Variants in FZD8 observed in about 807,000 individuals in gnomAD.
FZD8 encodes frizzled-8.
Under a neutral mutation model 46.0 loss-of-function variants are expected in FZD8, and 18 were observed. That is an observed-to-expected ratio of 0.39 (90% CI 0.27 to 0.58). FZD8 has a LOEUF of 0.58. Ranked by LOEUF, FZD8 falls within the 20% of genes least tolerant of loss-of-function variation. The pLI, the probability that FZD8 is intolerant of heterozygous loss-of-function variation, is 0.55. For synonymous variants in FZD8, 586 were observed against 467.9 expected (o/e 1.25, Z -3.26); for missense variants, 785 against 983.4 (o/e 0.80, Z 2.70).
rs540410812 is a variant in FZD8 at position 35,640,862 on chromosome 10, G to A, written c.568C>T (p.Pro190Ser). Residue 190 changes from proline to serine, a missense_variant, in exon 1 of 1, where the codon CCC becomes TCC. Pro to Ser is a moderately conservative substitution (Grantham distance 74). Around this residue, in one of 5 missense-constraint regions of FZD8, gnomAD observed 354 missense variants for 433.2 expected, o/e 0.82. Coordinates refer to ENST00000374694, the MANE Select transcript of FZD8 (RefSeq NM_031866.3). ...CCCCTGCCGCCGCCGCGGTGCGGGG[G>A]CCTGGCCCCCGGCGGGCGGCCGTGG... Reference protein sequence around the residue: ...SGHGRPPGARPPHRGGGRGGG... With the variant: ...SGHGRPPGARSPHRGGGRGGG... The A allele has an allele frequency of 4.3e-4, 420 of 978,938 alleles. No homozygotes were observed. The highest frequency in any genetic ancestry group is 1.6e-3 in the Middle Eastern group (3 of 1,902). 60.6% of individuals were successfully genotyped at this position (978,938 alleles called of 1,614,324 possible). A position where few individuals can be genotyped will look rare whatever the true frequency, so the allele number is the denominator to read the frequency against.
chr10:35,640,826 C>G lies in FZD8; in HGVS notation c.604G>C (p.Gly202Arg). 1 of 980,302 alleles carries G rather than the reference C, an allele frequency of 1.0e-6. No individual in the cohort carries two copies. The highest frequency in any genetic ancestry group is 1.2e-6 in the Non-Finnish European group (1 of 828,048). The allele number at this position is 980,302 out of a possible 1,614,324, so 60.7% of individuals were successfully genotyped here. A position where few individuals can be genotyped will look rare whatever the true frequency, so the allele number is the denominator to read the frequency against. ...HRGGGRGGGG[G>R]DAAAPPARGG... ...CGAGCTGGGGGCGCCGCCGCGTCCC[C>G]GCCGCCACCGCCCCTGCCGCCGCCG... The change falls in exon 1 of 1, where the codon GGG becomes CGG. Residue 202 changes from glycine to arginine, a missense_variant. Coordinates refer to ENST00000374694, the MANE Select transcript of FZD8 (RefSeq NM_031866.3).
Position 35,640,709 on chromosome 10 carries a change from C to A in FZD8, c.721G>T (p.Val241Leu), listed in dbSNP as rs771619451. 6 of 1,511,202 alleles carry A rather than the reference C, an allele frequency of 4.0e-6. No homozygotes were observed. Among genetic ancestry groups the A allele is most frequent in the Non-Finnish European group, 5.3e-6 (6 of 1,121,598 alleles). The allele number at this position is 1,511,202 out of a possible 1,614,324, so 93.6% of individuals were successfully genotyped here. Residue 241 changes from valine (V) to leucine (L), a missense_variant, in exon 1 of 1, where the codon GTG becomes TTG. Transcript: ENST00000374694. ...TAGAGCGGGTGGCGCTCGCTGGACA[C>A]GCTCACCATAGGCGCGCGGCACTGG... The part of the protein sequence containing the change: ...GCQCRAPMVS[V>L]SSERHPLYNR...
In FZD8 at chr10:35,641,612, G is replaced by A; in HGVS notation, c.-183C>T. The A allele has an allele frequency of 1.3e-6, 1 of 786,532 alleles. No individual in the cohort carries two copies. Among genetic ancestry groups the A allele is most frequent in the Non-Finnish European group, 2.0e-6 (1 of 512,316 alleles). The allele number at this position is 786,532 out of a possible 1,614,324, so 48.7% of individuals were successfully genotyped here. A position where few individuals can be genotyped will look rare whatever the true frequency, so the allele number is the denominator to read the frequency against. Reference sequence around the variant, plus strand: ...TCTAGGGGCGCGTCCGCAGCGGCGCGGCCCGCAGCCTGGGCAGGGCCCTTC... The same window carrying A: ...TCTAGGGGCGCGTCCGCAGCGGCGCAGCCCGCAGCCTGGGCAGGGCCCTTC... On this transcript the variant is annotated 5_prime_UTR_variant, in exon 1 of 1. Transcript: ENST00000374694. The surrounding 1 kb of genome is among the most constrained non-coding windows in gnomAD (Gnocchi z 6.3).
In FZD8 at chr10:35,638,655, A is replaced by G. The variant is rs12653; in HGVS notation, c.*690T>C. ...ATTTTATTGACAAAATAGAATACTT[A>G]TATCTGTTCTTACAGGGGTAAGCCT... On this transcript the variant is annotated 3_prime_UTR_variant, in exon 1 of 1. Coordinates refer to ENST00000374694, the MANE Select transcript of FZD8 (RefSeq NM_031866.3). 9.5e-3 allele frequency: 1,443 copies of G among 152,636 alleles called. 9 individuals carry two copies. Among genetic ancestry groups the G allele is most frequent in the South Asian group, 0.035 (170 of 4,828 alleles). The allele number at this position is 152,636 out of a possible 1,614,324, so 9.5% of individuals were successfully genotyped here. A position where few individuals can be genotyped will look rare whatever the true frequency, so the allele number is the denominator to read the frequency against.
rs568102461 is a variant in FZD8, at chr10:35,638,523, A to C, written c.*822T>G. ...CCTAAGGTCAGTGTACAGAATGACA[A>C]GCCAGAAAATGTCCATTTTCCCCAT... On this transcript the variant is annotated 3_prime_UTR_variant, in exon 1 of 1. Coordinates refer to ENST00000374694, the MANE Select transcript of FZD8 (RefSeq NM_031866.3). The C allele has an allele frequency of 3.9e-5, 6 of 152,818 alleles. No homozygotes were observed. In the South Asian group the frequency reaches 1.0e-3, roughly 26 times the overall value. The allele number at this position is 152,818 out of a possible 1,614,324, so 9.5% of individuals were successfully genotyped here.
In FZD8 at chr10:35,639,016, G is replaced by T. The variant is rs1043549482; in HGVS notation, c.*329C>A. 1 of 153,632 alleles carries T rather than the reference G, an allele frequency of 6.5e-6. No individual in the cohort carries two copies. Among genetic ancestry groups the T allele is most frequent in the African/African-American group, 2.4e-5 (1 of 41,468 alleles). The allele number at this position is 153,632 out of a possible 1,614,324, so 9.5% of individuals were successfully genotyped here. ...TATCTGACTGCAAACCCAGCCAAGT[G>T]CAGCCAGGGAGGGCTCCAAATCTCG... is the stretch of plus-strand genomic sequence containing the variant. On this transcript the variant is annotated 3_prime_UTR_variant, in exon 1 of 1. Coordinates refer to ENST00000374694, the MANE Select transcript of FZD8 (RefSeq NM_031866.3).
Position 35,639,602 on chromosome 10 carries a change from G to A in FZD8, c.1828C>T (p.Leu610=). ...GTGCACAGGGAGCGCCAGGACTCCA[G>A]CGTCTTGCCGGACCAGACCCACACG... ...SGVWVWSGKT[L]ESWRSLCTRC... The change falls in exon 1 of 1, where the codon CTG becomes TTG. Residue 610 remains leucine (L), a synonymous_variant. Coordinates refer to ENST00000374694, the MANE Select transcript of FZD8 (RefSeq NM_031866.3). The A allele has an allele frequency of 6.3e-7, 1 of 1,597,418 alleles. No individual in the cohort carries two copies. Among genetic ancestry groups the A allele is most frequent in the Non-Finnish European group, 8.5e-7 (1 of 1,179,380 alleles).
At position 35,639,449 on chromosome 10, in the gene FZD8, C is replaced by G; in HGVS notation, c.1981G>C (p.Gly661Arg). Residue 661 changes from glycine (G) to arginine (R), a missense_variant, in exon 1 of 1, where the codon GGC becomes CGC. By Grantham distance (125) the Gly-to-Arg change is moderately radical. Coordinates refer to ENST00000374694, the MANE Select transcript of FZD8 (RefSeq NM_031866.3). ...ACGTCGCTGTAGAGGGAGCCCCCGC[C>G]GCCGCCCGGCCCCCCGCCGCCGCCG... is the stretch of plus-strand genomic sequence containing the variant. ...GPGGGGGPGG[G>R]GGSLYSDVST... 8.7e-7 allele frequency: 1 copy of G among 1,150,572 alleles called. No individual in the cohort carries two copies. Among genetic ancestry groups the G allele is most frequent in the Non-Finnish European group, 1.1e-6 (1 of 922,038 alleles). 71.3% of individuals were successfully genotyped at this position (1,150,572 alleles called of 1,614,324 possible). A position where few individuals can be genotyped will look rare whatever the true frequency, so the allele number is the denominator to read the frequency against.
rs1189583757 is a variant in FZD8, at chr10:35,639,411, C to A, written c.2019G>T (p.Leu673=). Reference sequence around the variant, plus strand: ...AGCTCGCCGTGCCCGACCGCCACGTCAGGCCAGTGCTGACGTCGCTGTAGA... The same window carrying A: ...AGCTCGCCGTGCCCGACCGCCACGTAAGGCCAGTGCTGACGTCGCTGTAGA... The part of the protein sequence containing the change: ...GSLYSDVSTG[L]TWRSGTASSV... Residue 673 remains leucine (L), a synonymous_variant, in exon 1 of 1, where the codon CTG becomes CTT. Coordinates refer to ENST00000374694, the MANE Select transcript of FZD8 (RefSeq NM_031866.3). 1 of 1,431,836 alleles carries A rather than the reference C, an allele frequency of 7.0e-7. No individual in the cohort carries two copies. Among genetic ancestry groups the A allele is most frequent in the Admixed American group, 2.2e-5 (1 of 46,416 alleles). 88.7% of individuals were successfully genotyped at this position (1,431,836 alleles called of 1,614,324 possible).
In FZD8 at chr10:35,639,703, T is replaced by G; in HGVS notation, c.1727A>C (p.Asp576Ala). 3 of 1,599,540 alleles carry G rather than the reference T, an allele frequency of 1.9e-6. No individual in the cohort carries two copies. The South Asian group carries it at 3.3e-5, about 18-fold the overall frequency. ...GGCGTAGTCGGGCCTGCGTGCCTGG[T>G]CGGGCTGCAGGTCCCGCAGGCACGG... ...NCPCLRDLQPDQARRPDYAVF... is the reference protein window; with the variant it reads ...NCPCLRDLQPAQARRPDYAVF... The change falls in exon 1 of 1, where the codon GAC becomes GCC. Residue 576 changes from aspartate (D) to alanine (A), a missense_variant. By Grantham distance (126) the Asp-to-Ala change is moderately radical. Coordinates refer to ENST00000374694, the MANE Select transcript of FZD8 (RefSeq NM_031866.3).
rs1441739445 is a variant in FZD8 at position 35,639,777 on chromosome 10, G to A, written c.1653C>T (p.Leu551=). 5.6e-6 allele frequency: 9 copies of A among 1,601,566 alleles called. No individual in the cohort carries two copies. Among genetic ancestry groups the A allele is most frequent in the Non-Finnish European group, 7.6e-6 (9 of 1,179,792 alleles). Reference sequence around the variant, plus strand: ...GCGGGCGGTTGTGCTGCTCGTAGAAGAGGCAGGCGACCACCACCGCGGCGG... The same window carrying A: ...GCGGGCGGTTGTGCTGCTCGTAGAAAAGGCAGGCGACCACCACCGCGGCGG... ...TVPAAVVVAC[L]FYEQHNRPRW... The change falls in exon 1 of 1, where the codon CTC becomes CTT. Residue 551 remains leucine (L), a synonymous_variant. Coordinates refer to ENST00000374694, the MANE Select transcript of FZD8 (RefSeq NM_031866.3).
rs1400711853 is a variant in FZD8, at chr10:35,639,316, A to G, written c.*29T>C. On this transcript the variant is annotated 3_prime_UTR_variant, in exon 1 of 1. Transcript: ENST00000374694. ...CTTGGCTCTCCTCGCCCCCCTCCCC[A>G]CCCCTCCTGGGCGCCCCCTCCCCTC... 5.4e-6 allele frequency: 1 copy of G among 183,508 alleles called. No individual in the cohort carries two copies. The highest frequency in any genetic ancestry group is 1.1e-5 in the Non-Finnish European group (1 of 88,278). 11.4% of individuals were successfully genotyped at this position (183,508 alleles called of 1,614,324 possible). A position where few individuals can be genotyped will look rare whatever the true frequency, so the allele number is the denominator to read the frequency against.
At position 35,638,348 on chromosome 10, in the gene FZD8, G is replaced by T. The variant is rs530914886; in HGVS notation, c.*997C>A. 6.6e-6 allele frequency: 1 copy of T among 152,482 alleles called. No homozygotes were observed. The highest frequency in any genetic ancestry group is 1.5e-5 in the Non-Finnish European group (1 of 68,030). 9.4% of individuals were successfully genotyped at this position (152,482 alleles called of 1,614,324 possible). A position where few individuals can be genotyped will look rare whatever the true frequency, so the allele number is the denominator to read the frequency against. On this transcript the variant is annotated 3_prime_UTR_variant, in exon 1 of 1. Coordinates refer to ENST00000374694, the MANE Select transcript of FZD8 (RefSeq NM_031866.3). Reference sequence around the variant, plus strand: ...GTTCCATTTACATCCACTAAAGTGAGAGTTGTTATCCATGGATCAGAAAAG... The same window carrying T: ...GTTCCATTTACATCCACTAAAGTGATAGTTGTTATCCATGGATCAGAAAAG...
rs757691716 is a variant in FZD8 at position 35,640,941 on chromosome 10, C to T, written c.489G>A (p.Pro163=). Residue 163 remains proline, a synonymous_variant, in exon 1 of 1, where the codon CCG becomes CCA. Transcript: ENST00000374694. ...GCGGCGGCGGCGGCAGGCGGCGCGG[C>T]GGGCTGGGCGCGGCGGTGGTTAGGT... The part of the protein sequence containing the change: ...RTDLTTAAPS[P]PRRLPPPPPG... 3.0e-6 allele frequency: 4 copies of T among 1,315,190 alleles called. No homozygotes were observed. Among genetic ancestry groups the T allele is most frequent in the Non-Finnish European group, 2.9e-6 (3 of 1,032,678 alleles). 81.5% of individuals were successfully genotyped at this position (1,315,190 alleles called of 1,614,324 possible). A position where few individuals can be genotyped will look rare whatever the true frequency, so the allele number is the denominator to read the frequency against.
rs562174201 is a variant in FZD8 at position 35,638,320 on chromosome 10, G to A, written c.*1025C>T. On this transcript the variant is annotated 3_prime_UTR_variant, in exon 1 of 1. Coordinates refer to ENST00000374694, the MANE Select transcript of FZD8 (RefSeq NM_031866.3). ...GCCTAAGGGGAATTACTGCCTTGCAGAAGTTCCATTTACATCCACTAAAGT... is the reference window on the plus strand; with the variant it reads ...GCCTAAGGGGAATTACTGCCTTGCAAAAGTTCCATTTACATCCACTAAAGT... 2 of 152,610 alleles carry A rather than the reference G, an allele frequency of 1.3e-5. No homozygotes were observed. The highest frequency in any genetic ancestry group is 2.9e-5 in the Non-Finnish European group (2 of 68,042). 9.5% of individuals were successfully genotyped at this position (152,610 alleles called of 1,614,324 possible).
rs1442825900 is a variant in FZD8, at chr10:35,641,496, C to CGGG, written c.-68_-67insCCC. 13 of 1,489,126 alleles carry CGGG rather than the reference C, an allele frequency of 8.7e-6. No homozygotes were observed. In the African/African-American group the frequency reaches 1.9e-4, roughly 22 times the overall value. The allele number at this position is 1,489,126 out of a possible 1,614,324, so 92.2% of individuals were successfully genotyped here. A position where few individuals can be genotyped will look rare whatever the true frequency, so the allele number is the denominator to read the frequency against. ...CGCAGAGGGGTGCCGGGGGGGGGGC[C>CGGG]CACGAGAGAGCCGCAGACGGGTACA... is the stretch of plus-strand genomic sequence containing the variant. On this transcript the variant is annotated 5_prime_UTR_variant, in exon 1 of 1. Transcript: ENST00000374694. The surrounding 1 kb of genome is among the most constrained non-coding windows in gnomAD (Gnocchi z 6.3).
Position 35,640,320 on chromosome 10 carries a change from C to T in FZD8, c.1110G>A (p.Pro370=), listed in dbSNP as rs566989692. ...AGAAGAGAGG[P]GGRGEYEELG... is the part of the protein sequence containing the mutation. Reference sequence around the variant, plus strand: ...GCTCCTCGTACTCGCCGCGCCCGCCCGGGCCGCCCGCGCCCGCGCCCGCCG... The same window carrying T: ...GCTCCTCGTACTCGCCGCGCCCGCCTGGGCCGCCCGCGCCCGCGCCCGCCG... Residue 370 remains proline (P), a synonymous_variant, in exon 1 of 1, where the codon CCG becomes CCA. Coordinates refer to ENST00000374694, the MANE Select transcript of FZD8 (RefSeq NM_031866.3). The T allele has an allele frequency of 2.2e-5, 27 of 1,221,772 alleles. No individual in the cohort carries two copies. The Admixed American group carries it at 7.9e-4, about 36-fold the overall frequency. 75.7% of individuals were successfully genotyped at this position (1,221,772 alleles called of 1,614,324 possible). A position where few individuals can be genotyped will look rare whatever the true frequency, so the allele number is the denominator to read the frequency against.
chr10:35,640,967 C>G lies in FZD8; in HGVS notation c.463G>C (p.Asp155His). ...DTLCMDYNRT[D>H]LTTAAPSPPR... Reference sequence around the variant, plus strand: ...GGGCTGGGCGCGGCGGTGGTTAGGTCGGTGCGGTTGTAGTCCATGCACAGC... The same window carrying G: ...GGGCTGGGCGCGGCGGTGGTTAGGTGGGTGCGGTTGTAGTCCATGCACAGC... The change falls in exon 1 of 1, where the codon GAC becomes CAC. Residue 155 changes from aspartate to histidine, a missense_variant. By Grantham distance (81) the Asp-to-His change is moderately conservative. This residue lies in a region of FZD8 where 354 missense variants were observed against 433.2 expected (regional missense o/e 0.82). Coordinates refer to ENST00000374694, the MANE Select transcript of FZD8 (RefSeq NM_031866.3). 6.3e-7 allele frequency: 1 copy of G among 1,581,838 alleles called. No homozygotes were observed. The highest frequency in any genetic ancestry group is 1.4e-5 in the African/African-American group (1 of 73,622).
Position 35,640,632 on chromosome 10 carries a change from G to A in FZD8, c.798C>T (p.Asn266=), listed in dbSNP as rs1835841828. Residue 266 remains asparagine, a synonymous_variant, in exon 1 of 1, where the codon AAC becomes AAT. Transcript: ENST00000374694. ...CGCGCTCGTCCTGGCTGAAAAAGGG[G>A]TTGTGGCAGGGCAGCGCGCAGTTAG... ...QIANCALPCH[N]PFFSQDERAF... is the part of the protein sequence containing the mutation. 1 of 1,583,880 alleles carries A rather than the reference G, an allele frequency of 6.3e-7. No individual in the cohort carries two copies. Among genetic ancestry groups the A allele is most frequent in the South Asian group, 1.1e-5 (1 of 88,426 alleles).
Sources: allele counts gnomAD v4.1 joint callset, GRCh38; gene constraint gnomAD v4.1.1; regional missense constraint gnomAD v4.1.1; non-coding constraint Gnocchi (gnomAD v3.1); transcripts MANE v1.5; gene names NCBI Gene and HGNC (gene_info 2026-07-23, HGNC 2026-07-21).